PLEKHA6: variants seen among roughly 807,000 people sequenced by gnomAD.
PLEKHA6 encodes the protein pleckstrin homology domain-containing family A member 6.
PLEKHA6 carries 60 observed loss-of-function variants against 116.7 expected under a neutral mutation model. The ratio of observed to expected loss-of-function variants is 0.51; its 90% CI spans 0.42 to 0.64. PLEKHA6 has a LOEUF of 0.64. Ranked by LOEUF, PLEKHA6 falls within the 30% of genes least tolerant of loss-of-function variation. The pLI is 0.00. For missense variants in PLEKHA6, 1,338 were observed against 1,422.7 expected (o/e 0.94, Z 0.96); for synonymous variants, 489 against 556.1 (o/e 0.88, Z 1.70).
At chr1:204,250,693 C>T (rs45492294) in intron 9 of PLEKHA6, 79 bp from the exon 10 acceptor site, 80,633 of 954,264 alleles carry the variant, frequency 0.084, 4,005 homozygotes, top group African/African-American at 0.16. Flanking sequence ...ATCACAATCC[C>T]GCTGTGCTCC....
Position 204,227,989 on chromosome 1 carries a change from C to T in PLEKHA6, c.3031+94G>A, listed in dbSNP as rs2102405883. On this transcript the variant is annotated intron_variant, in intron 21 of 22. Coordinates refer to ENST00000272203, the MANE Select transcript of PLEKHA6 (RefSeq NM_014935.5). ...ATCTCCTCAGCCTTGTATCTCTTTG[C>T]TACTGCCCCCCTTGTAGCAGTGCCA... is the stretch of plus-strand genomic sequence containing the variant. The T allele has an allele frequency of 8.6e-6, 11 of 1,285,986 alleles. No homozygotes were observed. In the South Asian group the frequency reaches 1.5e-4, roughly 18 times the overall value. 79.7% of individuals were successfully genotyped at this position (1,285,986 alleles called of 1,614,324 possible). A position where few individuals can be genotyped will look rare whatever the true frequency, so the allele number is the denominator to read the frequency against.
At chr1:204,331,894 A>G (rs1037242705) in intron 1 of PLEKHA6, among the ~76,000 whole-genome samples, 40 of 149,972 alleles carry the variant, frequency 2.7e-4, no homozygotes, top group African/African-American at 9.6e-4. Context: ...CCATGCCCCG[A>G]GAGGCCCCAG....
intron 3 of PLEKHA6, among the ~76,000 whole-genome samples, chr1:204,366,388 A>G (rs1673647120): frequency 6.6e-6 from 1 of 152,152 alleles, no homozygotes; most frequent in Non-Finnish European, 1.5e-5. Context: ...GAGAAAGAGG[A>G]GGAGGAGAAG....
At chr1:204,344,466 G>A (rs1272778869) in intron 1 of PLEKHA6, among the ~76,000 whole-genome samples, 1 of 152,000 alleles carries the variant, frequency 6.6e-6, no homozygotes, top group African/African-American at 2.4e-5. Context: ...TGGACGTGGT[G>A]GAGTACACCT....
intron 1 of PLEKHA6, among the ~76,000 whole-genome samples, chr1:204,281,348 AC>A (rs1040182197): frequency 6.6e-6 from 1 of 152,104 alleles, no homozygotes; most frequent in African/African-American, 2.4e-5. Flanking sequence ...ACACAGTGAA[AC>A]CCTGTCTCTA....
chr1:204,318,780 T>TTACATCTCTCCCATACCCTTTA (rs1671953726), intron 1 of PLEKHA6, among the ~76,000 whole-genome samples: 1 of 152,332 alleles, frequency 6.6e-6, no homozygotes, highest in African/African-American at 2.4e-5. Flanking sequence ...CCAGATGACA[T>TTACATCTCTCCCATACCCTTTA]TACATCTCTC....
At chr1:204,290,213 G>T (rs1401241368) in intron 1 of PLEKHA6, among the ~76,000 whole-genome samples, 2 of 152,184 alleles carry the variant, frequency 1.3e-5, no homozygotes, top group African/African-American at 4.8e-5. Flanking sequence ...AAATTCAAAG[G>T]ATCCAGAATA....
At chr1:204,348,667 G>T (rs139623835) in intron 1 of PLEKHA6, among the ~76,000 whole-genome samples, 16 of 151,786 alleles carry the variant, frequency 1.1e-4, no homozygotes, top group African/African-American at 3.9e-4. Flanking sequence ...ACAGCCACTC[G>T]CGCCCCTCTT....
intron 1 of PLEKHA6, among the ~76,000 whole-genome samples, chr1:204,295,682 C>A (rs1670207915): frequency 1.3e-5 from 2 of 152,112 alleles, no homozygotes; most frequent in African/African-American, 4.8e-5. Flanking sequence ...CAGGGAAGCG[C>A]TCCTTCCAAA....
chr1:204,281,037 C>T (rs1253654617), intron 1 of PLEKHA6: 2 of 980,116 alleles, frequency 2.0e-6, no homozygotes, highest in Non-Finnish European at 2.4e-6. Flanking sequence ...AACAACACTG[C>T]CTTAGCCAGG....
chr1:204,257,838 C>A lies in PLEKHA6; in HGVS notation c.1039G>T (p.Val347Phe), dbSNP rs758374868. 6.2e-7 allele frequency: 1 copy of A among 1,613,306 alleles called. No homozygotes were observed. The highest frequency in any genetic ancestry group is 1.1e-5 in the South Asian group (1 of 90,966). The change falls in exon 9 of 23, where the codon GTC (valine) becomes TTC (phenylalanine). Residue 347 changes from valine (V) to phenylalanine (F), a missense_variant. Around this residue, in one of 3 missense-constraint regions of PLEKHA6, gnomAD observed 1,136 missense variants for 1,163.6 expected, o/e 0.98. Coordinates refer to ENST00000272203, the MANE Select transcript of PLEKHA6 (RefSeq NM_014935.5). The surrounding 1 kb of genome is among the most constrained non-coding windows in gnomAD (Gnocchi z 6.5). ...GAGTAGGGGCCATAGTACTCAGGGACCCTGCGAGACACAGGATAGAACCTA... is the reference window on the plus strand; with the variant it reads ...GAGTAGGGGCCATAGTACTCAGGGAACCTGCGAGACACAGGATAGAACCTA... ...PSRFYPVSRR[V>F]PEYYGPYSSQ...
At chr1:204,246,782 G>A (rs1663748256) in intron 13 of PLEKHA6, among the ~76,000 whole-genome samples, 1 of 152,216 alleles carries the variant, frequency 6.6e-6, no homozygotes, top group Non-Finnish European at 1.5e-5. Context: ...AAATTCCTGA[G>A]CAGATTGCTC....
At chr1:204,252,992 C>T (rs976966161) in intron 9 of PLEKHA6, among the ~76,000 whole-genome samples, 1 of 152,230 alleles carries the variant, frequency 6.6e-6, no homozygotes, top group Non-Finnish European at 1.5e-5. Flanking sequence ...GGGGATCTTT[C>T]AGCACAGGTG....
intron 2 of PLEKHA6, among the ~76,000 whole-genome samples, chr1:204,370,274 G>T (rs1285380742): frequency 6.6e-6 from 1 of 152,248 alleles, no homozygotes. Flanking sequence ...AAAAAGAAAA[G>T]GACTCTGAAC....
intron 1 of PLEKHA6, among the ~76,000 whole-genome samples, chr1:204,300,100 G>C (rs1208852120): frequency 6.6e-6 from 1 of 152,112 alleles, no homozygotes; most frequent in Non-Finnish European, 1.5e-5. Flanking sequence ...AACAGACCAG[G>C]GTCCATCTTT....
chr1:204,228,803 G>C lies in PLEKHA6; in HGVS notation c.2810C>G (p.Thr937Ser), dbSNP rs754501990. ...CTTCAACTCCTCAGGGCTCAGGGGAGTGTCAGGCTCCAGGTCAATGTACCG... is the reference window on the plus strand; with the variant it reads ...CTTCAACTCCTCAGGGCTCAGGGGACTGTCAGGCTCCAGGTCAATGTACCG... ...PERYIDLEPD[T>S]PLSPEELKEK... The change falls in exon 20 of 23, where the codon ACT (threonine) becomes AGT (serine). Residue 937 changes from threonine (T) to serine (S), a missense_variant. Coordinates refer to ENST00000272203, the MANE Select transcript of PLEKHA6 (RefSeq NM_014935.5). This position sits in a 1 kb window ranked among gnomAD's most constrained non-coding sequence, Gnocchi z 4.0. 1 of 1,613,912 alleles carries C rather than the reference G, an allele frequency of 6.2e-7. No homozygotes were observed. Among genetic ancestry groups the C allele is most frequent in the South Asian group, 1.1e-5 (1 of 91,076 alleles).
intron 1 of PLEKHA6, among the ~76,000 whole-genome samples, chr1:204,304,982 GC>G (rs530314371): frequency 6.6e-6 from 1 of 152,294 alleles, no homozygotes; most frequent in Non-Finnish European, 1.5e-5. Flanking sequence ...ATTTCTGTGA[GC>G]CCCTGAATTT....
intron 1 of PLEKHA6, among the ~76,000 whole-genome samples, chr1:204,334,763 G>T: frequency 6.6e-6 from 1 of 152,002 alleles, no homozygotes; most frequent in East Asian, 1.9e-4. Context: ...GCCGGGCGCG[G>T]TAGTGCACAC....
intron 9 of PLEKHA6, among the ~76,000 whole-genome samples, chr1:204,252,087 T>TCCCTGC (rs1223748166): frequency 6.6e-6 from 1 of 150,626 alleles, no homozygotes; most frequent in South Asian, 2.1e-4. Context: ...CTGCCCCCTC[T>TCCCTGC]CCCTGCCCCT....
Sources: gnomAD v4.1 joint callset for allele counts (sites outside exome capture counted in the v4.1 genomes callset) on GRCh38, gnomAD v4.1.1 for gene constraint, gnomAD v4.1.1 regional missense constraint, Gnocchi (gnomAD v3.1) non-coding constraint, MANE v1.5 for transcripts, NCBI Gene and HGNC (gene_info 2026-07-23, HGNC 2026-07-21) for gene names.